RBFOX1: variants seen among roughly 807,000 people sequenced by gnomAD.
RBFOX1 encodes RNA binding fox-1 homolog 1, also known as RNA binding protein fox-1 homolog 1.
A neutral mutation model predicts 57.7 loss-of-function variants in RBFOX1; 8 were observed. That is an observed-to-expected ratio of 0.14 (90% CI 0.08 to 0.25). RBFOX1 has a LOEUF of 0.25. RBFOX1 is among the 10% of genes least tolerant of loss of function. The pLI is 1.00. For synonymous variants in RBFOX1, 326 were observed against 222.4 expected (o/e 1.47, Z -4.15); for missense variants, 611 against 548.5 (o/e 1.11, Z -1.14).
At chr16:6,648,291 A>G (rs1443727765) in intron 2 of RBFOX1, among the ~76,000 whole-genome samples, 1 of 146,950 alleles carries the variant, frequency 6.8e-6, no homozygotes, top group African/African-American at 2.5e-5. Context: ...CAACTCCTGG[A>G]CTCAAACGAT....
At chr16:7,591,621 A>C (rs1291599905) in intron 7 of RBFOX1, among the ~76,000 whole-genome samples, 3 of 152,022 alleles carry the variant, frequency 2.0e-5, no homozygotes, top group Admixed American at 6.5e-5. Flanking sequence ...ACAGGCCACC[A>C]ATCTCTTTTC....
chr16:6,941,199 T>C (rs376280223), intron 3 of RBFOX1, among the ~76,000 whole-genome samples: 1 of 151,172 alleles, frequency 6.6e-6, no homozygotes. Context: ...TACATATATA[T>C]ATATTCCCTT....
intron 1 of RBFOX1, among the ~76,000 whole-genome samples, chr16:6,214,182 C>T (rs138424421): frequency 2.0e-5 from 3 of 152,354 alleles, no homozygotes; most frequent in Non-Finnish European, 4.4e-5. Context: ...CCTTCTCTCC[C>T]ACTGTCTCCA....
At chr16:7,039,024 A>G (rs1325936367) in intron 3 of RBFOX1, among the ~76,000 whole-genome samples, 2 of 131,032 alleles carry the variant, frequency 1.5e-5, no homozygotes. Flanking sequence ...CATTATTACC[A>G]AACAATATGA....
At chr16:6,741,278 A>C (rs750695458) in intron 3 of RBFOX1, among the ~76,000 whole-genome samples, 13 of 152,210 alleles carry the variant, frequency 8.5e-5, no homozygotes, top group Non-Finnish European at 1.6e-4. Flanking sequence ...TAAAACTTTC[A>C]GGCAATCCTA....
intron 3 of RBFOX1, among the ~76,000 whole-genome samples, chr16:5,785,425 C>T (rs1473935927): frequency 3.3e-5 from 5 of 152,066 alleles, no homozygotes; most frequent in African/African-American, 9.7e-5. Flanking sequence ...AAGGCCCCAC[C>T]GCCATCCTTG....
At chr16:6,150,368 G>A (rs543102244) in intron 1 of RBFOX1, among the ~76,000 whole-genome samples, 2 of 152,110 alleles carry the variant, frequency 1.3e-5, no homozygotes, top group East Asian at 3.9e-4. Context: ...GAGAAGAGTT[G>A]AAGTTGTGAG....
chr16:6,608,719 C>A (rs1468193546), intron 2 of RBFOX1, among the ~76,000 whole-genome samples: 1 of 152,158 alleles, frequency 6.6e-6, no homozygotes, highest in African/African-American at 2.4e-5. Flanking sequence ...CTACAGTGAG[C>A]CATGATTGTA....
At chr16:6,114,252 T>C (rs994361121) in intron 1 of RBFOX1, among the ~76,000 whole-genome samples, 4 of 152,232 alleles carry the variant, frequency 2.6e-5, no homozygotes, top group African/African-American at 7.2e-5. Flanking sequence ...AAGAGTGATC[T>C]CTCATCTGAT....
At chr16:6,258,775 C>T (rs1189491461) in intron 1 of RBFOX1, among the ~76,000 whole-genome samples, 2 of 152,076 alleles carry the variant, frequency 1.3e-5, no homozygotes, top group Non-Finnish European at 2.9e-5. Context: ...GGATTGTTTG[C>T]AACACAAGGG....
At chr16:5,684,466 G>T (rs1394617649) in intron 3 of RBFOX1, among the ~76,000 whole-genome samples, 2 of 152,114 alleles carry the variant, frequency 1.3e-5, no homozygotes, top group African/African-American at 2.4e-5. Flanking sequence ...GCTCTCCTCT[G>T]TAGAGCCACT....
At chr16:5,569,463 T>TTC (rs2046198566) in intron 2 of RBFOX1, among the ~76,000 whole-genome samples, 1 of 108,650 alleles carries the variant, frequency 9.2e-6, no homozygotes, top group Non-Finnish European at 1.9e-5. Context: ...TTTTTTTTTT[T>TTC]TTTTCTTCTT....
chr16:6,540,078 A>G (rs569934994), intron 2 of RBFOX1, among the ~76,000 whole-genome samples: 19 of 151,526 alleles, frequency 1.3e-4, no homozygotes, highest in Middle Eastern at 6.8e-3. Context: ...ACTTTGATGA[A>G]ATAGAGAAGC....
chr16:5,440,180 G>A (rs1597075398), intron 1 of RBFOX1, among the ~76,000 whole-genome samples: 1 of 152,204 alleles, frequency 6.6e-6, no homozygotes, highest in African/African-American at 2.4e-5. Flanking sequence ...TGCAAATGCA[G>A]TTTCTATTCA....
chr16:6,610,704 T>G (rs4786895), intron 2 of RBFOX1, among the ~76,000 whole-genome samples: 1 of 152,274 alleles, frequency 6.6e-6, no homozygotes, highest in East Asian at 1.9e-4. Context: ...AAGATCAGAT[T>G]GCGAAGTGGT....
At chr16:6,180,724 C>A (rs1337313851) in intron 1 of RBFOX1, among the ~76,000 whole-genome samples, 1 of 151,970 alleles carries the variant, frequency 6.6e-6, no homozygotes, top group Non-Finnish European at 1.5e-5. Context: ...CGCCACCACA[C>A]CCAGCTAATT....
intron 4 of RBFOX1, among the ~76,000 whole-genome samples, chr16:7,338,503 C>G (rs1450679109): frequency 6.6e-6 from 1 of 152,130 alleles, no homozygotes; most frequent in African/African-American, 2.4e-5. Flanking sequence ...TCAAGTAATC[C>G]TCAGCCTCCT....
intron 3 of RBFOX1, among the ~76,000 whole-genome samples, chr16:6,959,356 C>G (rs184335293): frequency 6.6e-6 from 1 of 152,122 alleles, no homozygotes; most frequent in African/African-American, 2.4e-5. Context: ...ATCTGATAAC[C>G]GTCACATTTG....
Position 6,799,964 on chromosome 16 carries a change from C to G in RBFOX1, c.-16+145314C>G, listed in dbSNP as rs977686791. On this transcript the variant is annotated intron_variant, in intron 3 of 15. Coordinates refer to ENST00000550418, the MANE Select transcript of RBFOX1 (RefSeq NM_018723.4). ...CTTGTGATGATGTGAGTCAATTCTC[C>G]TTAATAAACTTCCTTTCATATATAT... is the stretch of plus-strand genomic sequence containing the variant. Among the ~76,000 whole-genome samples the G allele has an allele frequency of 2.0e-5, 3 of 152,122 alleles. No individual in the cohort carries two copies. In the South Asian group the frequency reaches 6.2e-4, roughly 32 times the overall value.
Sources: allele counts gnomAD v4.1 joint callset (sites outside exome capture counted in the v4.1 genomes callset), GRCh38; gene constraint gnomAD v4.1.1; transcripts MANE v1.5; gene names NCBI Gene and HGNC (gene_info 2026-07-23, HGNC 2026-07-21).